Variants in SCGB2A2 observed in about 807,000 individuals in gnomAD.
SCGB2A2 encodes the protein secretoglobin family 2A member 2.
A neutral mutation model predicts 8.8 loss-of-function variants in SCGB2A2; 11 were observed. The observed-to-expected ratio is 1.25, with a 90% CI of 0.79 to 2.07. The LOEUF (loss-of-function observed/expected upper bound fraction) is 2.07. SCGB2A2 is among the 30% of genes most tolerant of loss of function. The pLI is 0.00. For synonymous variants in SCGB2A2, 42 were observed against 40.9 expected (o/e 1.03, Z -0.10); for missense variants, 113 against 109.9 (o/e 1.03, Z -0.13).
rs1945291767 is a variant in SCGB2A2, at chr11:62,272,965, A to G, written c.252A>G (p.Ile84Met). ...CTGTTTTTGCTTTCTAGCAATTAAT[A>G]TATGACAGCAGTCTTTGTGATTTAT... is the stretch of plus-strand genomic sequence containing the variant. ...LSNVEVFMQLIYDSSLCDLF is the reference protein window; with the variant it reads ...LSNVEVFMQLMYDSSLCDLF The change falls in exon 3 of 3, where the codon ATA becomes ATG. Residue 84 changes from isoleucine to methionine, a missense_variant. Coordinates refer to ENST00000227918, the MANE Select transcript of SCGB2A2 (RefSeq NM_002411.4). 6.2e-7 allele frequency: 1 copy of G among 1,607,684 alleles called. No individual in the cohort carries two copies. Among genetic ancestry groups the G allele is most frequent in the African/African-American group, 1.3e-5 (1 of 74,868 alleles).
intron 2 of SCGB2A2, chr11:62,271,644 C>G (rs1187704922): frequency 2.0e-6 from 2 of 995,862 alleles, no homozygotes; most frequent in Non-Finnish European, 1.2e-6. Flanking sequence ...TGTTCACTCT[C>G]TACAGAAAAA....
At chr11:62,271,209 A>G (rs745401378) in intron 2 of SCGB2A2, 141 bp downstream of exon 2, 16 of 1,545,742 alleles carry the variant, frequency 1.0e-5, no homozygotes, top group African/African-American at 1.4e-5. Flanking sequence ...TGGTTAGTCT[A>G]ATGACTTTGC....
chr11:62,271,546 C>A, intron 2 of SCGB2A2: 1 of 1,108,806 alleles, frequency 9.0e-7, no homozygotes, highest in Non-Finnish European at 1.1e-6. Context: ...ATCATCCAGA[C>A]ACAAACACAA....
In SCGB2A2 at chr11:62,273,096, A is replaced by G; in HGVS notation, c.*101A>G. The G allele has an allele frequency of 3.7e-6, 3 of 808,048 alleles. No individual in the cohort carries two copies. The South Asian group carries it at 5.4e-5, about 15-fold the overall frequency. 50.1% of individuals were successfully genotyped at this position (808,048 alleles called of 1,614,324 possible). A position where few individuals can be genotyped will look rare whatever the true frequency, so the allele number is the denominator to read the frequency against. The stretch of plus-strand genomic sequence containing the variant: ...CTTCTCTTTCTTATGTCTTTTTACT[A>G]CAAACTACAAGACAATTGTTGAAAC... On this transcript the variant is annotated 3_prime_UTR_variant, in exon 3 of 3. Coordinates refer to ENST00000227918, the MANE Select transcript of SCGB2A2 (RefSeq NM_002411.4).
intron 2 of SCGB2A2, chr11:62,271,586 AAC>A (rs1299139541): frequency 1.9e-6 from 2 of 1,052,708 alleles, no homozygotes; most frequent in East Asian, 7.0e-5. Flanking sequence ...CAACCACAGA[AAC>A]ACAGAGACAC....
In SCGB2A2 at chr11:62,270,252, C is replaced by T. The variant is rs1945266254; in HGVS notation, c.36C>T (p.Leu12=). The T allele has an allele frequency of 1.2e-5, 20 of 1,614,034 alleles. 1 individual carries two copies. The highest frequency in any genetic ancestry group is 1.1e-4 in the African/African-American group (8 of 75,074). ...KLLMVLMLAA[L]SQHCYAGSGC... ...TGATGGTCCTCATGCTGGCGGCCCT[C>T]TCCCAGCACTGCTACGCAGGTGAGT... The change falls in exon 1 of 3, where the codon CTC becomes CTT. Residue 12 remains leucine, a synonymous_variant. Coordinates refer to ENST00000227918, the MANE Select transcript of SCGB2A2 (RefSeq NM_002411.4).
rs143019268 is a variant in SCGB2A2 at position 62,270,889 on chromosome 11, T to C, written c.64T>C (p.Cys22Arg). 2.5e-5 allele frequency: 40 copies of C among 1,613,426 alleles called. No individual in the cohort carries two copies. The highest frequency in any genetic ancestry group is 3.0e-5 in the Non-Finnish European group (35 of 1,179,490). ...TTGTGCATCCTTCCCAGGCTCTGGC[T>C]GCCCCTTATTGGAGAATGTGATTTC... ...LSQHCYAGSG[C>R]PLLENVISKT... Residue 22 changes from cysteine (C) to arginine (R), a missense_variant, in exon 2 of 3, where the codon TGC becomes CGC. By Grantham distance (180) the Cys-to-Arg change is radical. Transcript: ENST00000227918.
chr11:62,271,450 A>AAC (rs1235319891), intron 2 of SCGB2A2: 1 of 1,357,982 alleles, frequency 7.4e-7, no homozygotes, highest in Non-Finnish European at 9.5e-7. Context: ...CAATCACACA[A>AAC]ACACACACAC....
chr11:62,273,151 A>T lies in SCGB2A2; in HGVS notation c.*156A>T. ...TATACATGTTTATTTTAATAAATTG[A>T]TGGCAAAAACTGAAGTTTCTCTTTG... On this transcript the variant is annotated 3_prime_UTR_variant, in exon 3 of 3. Coordinates refer to ENST00000227918, the MANE Select transcript of SCGB2A2 (RefSeq NM_002411.4). 1 of 532,034 alleles carries T rather than the reference A, an allele frequency of 1.9e-6. No individual in the cohort carries two copies. Among genetic ancestry groups the T allele is most frequent in the Non-Finnish European group, 3.2e-6 (1 of 309,140 alleles). The allele number at this position is 532,034 out of a possible 1,614,324, so 33.0% of individuals were successfully genotyped here.
chr11:62,271,755 T>C, intron 2 of SCGB2A2: 3 of 986,352 alleles, frequency 3.0e-6, no homozygotes, highest in Non-Finnish European at 3.6e-6. Context: ...ATGCCCTATT[T>C]TTCAACAGTT....
intron 2 of SCGB2A2, among the ~76,000 whole-genome samples, chr11:62,272,647 CTTT>C (rs71886885): frequency 7.4e-4 from 70 of 94,440 alleles, no homozygotes; most frequent in Admixed American, 2.0e-3. Context: ...CAAAGTTTCA[CTTT>C]TTTTTTTTTT....
chr11:62,272,361 G>A (rs1945286330), intron 2 of SCGB2A2, among the ~76,000 whole-genome samples: 1 of 152,088 alleles, frequency 6.6e-6, no homozygotes, highest in Admixed American at 6.6e-5. Context: ...ATATTCTGGA[G>A]TTAGGTTGCA....
At chr11:62,272,419 C>T (rs991832707) in intron 2 of SCGB2A2, among the ~76,000 whole-genome samples, 2 of 152,108 alleles carry the variant, frequency 1.3e-5, no homozygotes, top group African/African-American at 4.8e-5. Context: ...CTTAAAATGG[C>T]AAATTTTATG....
At chr11:62,270,579 A>G (rs954625009) in intron 1 of SCGB2A2, among the ~76,000 whole-genome samples, 1 of 152,196 alleles carries the variant, frequency 6.6e-6, no homozygotes, top group Admixed American at 6.5e-5. Flanking sequence ...ACCAAAGAAG[A>G]CCAAATAATC....
chr11:62,271,429 A>G, intron 2 of SCGB2A2: 3 of 1,392,026 alleles, frequency 2.2e-6, no homozygotes, highest in Middle Eastern at 5.3e-4. Context: ...GCAAACACAC[A>G]GACACAGTCA....
Position 62,270,168 on chromosome 11 carries a change from C to G in SCGB2A2, c.-49C>G. The G allele has an allele frequency of 6.3e-7, 1 of 1,596,938 alleles. No homozygotes were observed. Among genetic ancestry groups the G allele is most frequent in the Non-Finnish European group, 8.6e-7 (1 of 1,164,838 alleles). On this transcript the variant is annotated 5_prime_UTR_variant, in exon 1 of 3. Transcript: ENST00000227918. ...TGGGTGCTCACCTCCACAGCGGCTT[C>G]CTTGATCCTTGCCACCCGCGACTGA...
intron 2 of SCGB2A2, among the ~76,000 whole-genome samples, chr11:62,272,647 CTT>C (rs71886885): frequency 0.021 from 1,945 of 94,380 alleles, 28 homozygotes; most frequent in African/African-American, 0.071. Flanking sequence ...CAAAGTTTCA[CTT>C]TTTTTTTTTT....
chr11:62,272,682 A>G (rs919802854), intron 2 of SCGB2A2, among the ~76,000 whole-genome samples: 12 of 146,306 alleles, frequency 8.2e-5, no homozygotes, highest in African/African-American at 3.0e-4. Flanking sequence ...ATTTGAGCTA[A>G]GATTTTAACA....
Position 62,272,956 on chromosome 11 carries a change from G to T in SCGB2A2, c.244-1G>T. ...GTGATGTCTCTGTTTTTGCTTTCTA[G>T]CAATTAATATATGACAGCAGTCTTT... On this transcript the variant is annotated splice_acceptor_variant, in intron 2 of 2. Coordinates refer to ENST00000227918, the MANE Select transcript of SCGB2A2 (RefSeq NM_002411.4). LOFTEE classifies it high-confidence loss of function. The T allele has an allele frequency of 6.2e-7, 1 of 1,600,694 alleles. No individual in the cohort carries two copies. The highest frequency in any genetic ancestry group is 1.7e-5 in the Admixed American group (1 of 58,170).
Sources: gnomAD v4.1 joint callset for allele counts (sites outside exome capture counted in the v4.1 genomes callset) on GRCh38, gnomAD v4.1.1 for gene constraint, MANE v1.5 for transcripts, NCBI Gene and HGNC (gene_info 2026-07-23, HGNC 2026-07-21) for gene names.